LIMCH1: variants seen among roughly 807,000 people sequenced by gnomAD.
The protein encoded by LIMCH1 is LIM and calponin homology domains-containing protein 1.
Under a neutral mutation model 176.5 loss-of-function variants are expected in LIMCH1, and 113 were observed. That is an observed-to-expected ratio of 0.64 (90% confidence interval 0.55 to 0.75). LIMCH1 has a LOEUF of 0.75. Among genes scored for constraint, LIMCH1 ranks in the 30% least tolerant of loss-of-function variants. The pLI is 0.00. For synonymous variants in LIMCH1, 619 were observed against 645.9 expected (o/e 0.96, Z 0.63); for missense variants, 1,674 against 1,814.9 (o/e 0.92, Z 1.41).
chr4:41,537,139 A>C (rs2078034113), upstream of LIMCH1, among the ~76,000 whole-genome samples: 1 of 152,250 alleles, frequency 6.6e-6, no homozygotes, highest in East Asian at 1.9e-4. Context: ...AATAAATATT[A>C]AATGTCAGCC....
intron 1 of LIMCH1, among the ~76,000 whole-genome samples, chr4:41,436,050 T>G (rs931622577): frequency 6.6e-6 from 1 of 152,230 alleles, no homozygotes; most frequent in African/African-American, 2.4e-5. Flanking sequence ...TTCAATTCAT[T>G]TATTACTTTT....
chr4:41,582,956 A>G (rs1273171823), intron 1 of LIMCH1, among the ~76,000 whole-genome samples: 1 of 152,220 alleles, frequency 6.6e-6, no homozygotes, highest in African/African-American at 2.4e-5. Flanking sequence ...TAAAATATAC[A>G]TAACAAACTT....
chr4:41,438,792 G>A (rs1258010482), intron 1 of LIMCH1, among the ~76,000 whole-genome samples: 1 of 151,852 alleles, frequency 6.6e-6, no homozygotes, highest in Non-Finnish European at 1.5e-5. Context: ...CATGCACCTC[G>A]CCCAGGCCAG....
chr4:41,449,723 A>G (rs1347671729), intron 1 of LIMCH1, among the ~76,000 whole-genome samples: 1 of 152,220 alleles, frequency 6.6e-6, no homozygotes, highest in Non-Finnish European at 1.5e-5. Flanking sequence ...CAAACATTAA[A>G]GCTTATTGAT....
chr4:41,695,421 A>G (rs140478548), intron 31 of LIMCH1, among the ~76,000 whole-genome samples: 2 of 151,276 alleles, frequency 1.3e-5, no homozygotes, highest in African/African-American at 4.9e-5. Flanking sequence ...TTTTTTTTCC[A>G]GTTAGCCACT....
At chr4:41,397,828 A>T (rs4861102) in intron 1 of LIMCH1, among the ~76,000 whole-genome samples, 56,387 of 152,008 alleles carry the variant, frequency 0.37, 11,825 homozygotes, top group African/African-American at 0.58. Flanking sequence ...ATTGACATTT[A>T]TATATTTATA....
rs56856655 is a variant in LIMCH1 at position 41,508,834 on chromosome 4, A to C, written c.167+14228A>C. ...AGAAAAGGCCTGCCTTGCTTGCAGA[A>C]GGAAGGACTGGAGACTTTTAACAAT... On this transcript the variant is annotated intron_variant, in intron 2 of 26. Coordinates refer to the LIMCH1 transcript ENST00000313860. Among the ~76,000 whole-genome samples the C allele has an allele frequency of 6.5e-3, 987 of 152,334 alleles. 12 individuals carry two copies. Among genetic ancestry groups the C allele is most frequent in the African/African-American group, 0.022 (931 of 41,574 alleles).
intron 4 of LIMCH1, chr4:41,612,410 T>G: frequency 1.6e-6 from 1 of 615,900 alleles, no homozygotes; most frequent in Non-Finnish European, 2.9e-6. Flanking sequence ...CAGTGTGGCA[T>G]TCCAGTCTTT....
At chr4:41,406,589 A>G (rs1009616123) in intron 1 of LIMCH1, among the ~76,000 whole-genome samples, 1 of 152,318 alleles carries the variant, frequency 6.6e-6, no homozygotes, top group African/African-American at 2.4e-5. Flanking sequence ...AAGGGTTTAG[A>G]TATTAATGGA....
At chr4:41,360,751 G>T (rs1484597871), upstream of LIMCH1, 4 of 900,718 alleles carry the variant, frequency 4.4e-6, no homozygotes, top group Admixed American at 3.8e-5. This position sits in a 1 kb window ranked among gnomAD's most constrained non-coding sequence, Gnocchi z 4.5. Flanking sequence ...GGAGGCCGGC[G>T]GGCGGGAAGG....
chr4:41,461,082 A>G (rs1415820824), intron 1 of LIMCH1, among the ~76,000 whole-genome samples: 1 of 152,210 alleles, frequency 6.6e-6, no homozygotes, highest in African/African-American at 2.4e-5. Context: ...TGGTTATCCT[A>G]TGCTAGTCCT....
intron 20 of LIMCH1, 107 bp from the exon 21 acceptor site, chr4:41,666,454 G>T: frequency 1.5e-6 from 1 of 669,052 alleles, no homozygotes; most frequent in South Asian, 2.0e-5. Context: ...TTAACTGTTT[G>T]AACTGAATGA....
At position 41,676,302 on chromosome 4, in the gene LIMCH1, G is replaced by A. The variant is rs946208820; in HGVS notation, c.3439-80G>A. 4.6e-6 allele frequency: 5 copies of A among 1,092,898 alleles called. No homozygotes were observed. In the African/African-American group the frequency reaches 7.8e-5, roughly 17 times the overall value. The allele number at this position is 1,092,898 out of a possible 1,614,324, so 67.7% of individuals were successfully genotyped here. A position where few individuals can be genotyped will look rare whatever the true frequency, so the allele number is the denominator to read the frequency against. The stretch of plus-strand genomic sequence containing the variant: ...GTGTCAATCTGGGTGCCAGGCCAGA[G>A]GCCAATTGTCTACTCTTCACCCGGC... On this transcript the variant is annotated intron_variant, in intron 22 of 31. Transcript: ENST00000503057.
At chr4:41,424,329 T>C (rs1429352182) in intron 1 of LIMCH1, among the ~76,000 whole-genome samples, 1 of 152,154 alleles carries the variant, frequency 6.6e-6, no homozygotes, top group Non-Finnish European at 1.5e-5. Flanking sequence ...GCACCAAGCA[T>C]ATAGTGAGTG....
At chr4:41,510,561 A>AAAT (rs1253495737) in intron 2 of LIMCH1, among the ~76,000 whole-genome samples, 19 of 151,986 alleles carry the variant, frequency 1.3e-4, no homozygotes, top group African/African-American at 2.4e-4. Flanking sequence ...ACTTTTTCTT[A>AAAT]AATAGCCTAC....
intron 12 of LIMCH1, 94 bp from the exon 13 acceptor site, chr4:41,633,451 GCTT>G (rs1299163222): frequency 1.4e-6 from 2 of 1,420,830 alleles, no homozygotes; most frequent in Non-Finnish European, 1.9e-6. Context: ...AGGGATGCTG[GCTT>G]CTTCTGTCTT....
chr4:41,559,017 A>G (rs1015920492), intron 1 of LIMCH1, among the ~76,000 whole-genome samples: 2 of 152,198 alleles, frequency 1.3e-5, no homozygotes, highest in Non-Finnish European at 1.5e-5. Flanking sequence ...TGTATTATCC[A>G]AAAGAGCATT....
intron 20 of LIMCH1, among the ~76,000 whole-genome samples, chr4:41,664,942 A>G (rs1301033094): frequency 6.6e-6 from 1 of 152,204 alleles, no homozygotes; most frequent in African/African-American, 2.4e-5. Flanking sequence ...TATTCTTGGT[A>G]TCATGTGGTG....
At chr4:41,590,364 C>A (rs6819151) in intron 1 of LIMCH1, among the ~76,000 whole-genome samples, 4,576 of 152,174 alleles carry the variant, frequency 0.03, 229 homozygotes, top group African/African-American at 0.1. Context: ...AAATTATAGG[C>A]ATGAACTACC....
Sources: gnomAD v4.1 joint callset for allele counts (sites outside exome capture counted in the v4.1 genomes callset) on GRCh38, gnomAD v4.1.1 for gene constraint, Gnocchi (gnomAD v3.1) non-coding constraint, MANE v1.5 for transcripts, NCBI Gene and HGNC (gene_info 2026-07-23, HGNC 2026-07-21) for gene names.